The following NOTCH2NLR variants were observed in gnomAD, a reference collection of about 807,000 sequenced individuals.
The protein encoded by NOTCH2NLR is notch 2 N-terminal like R, also known as notch 2 N-terminal like R (pseudogene).
A neutral mutation model predicts 35.6 loss-of-function variants in NOTCH2NLR; 33 were observed. The ratio of observed to expected loss-of-function variants is 0.93; its 90% confidence interval spans 0.70 to 1.24. The LOEUF is 1.24. Among genes scored for constraint, NOTCH2NLR ranks in the 50% most tolerant of loss-of-function variants. The pLI is 0.00. For missense variants in NOTCH2NLR, 276 were observed against 362.2 expected (o/e 0.76, Z 1.93); for synonymous variants, 103 against 141.0 (o/e 0.73, Z 1.91).
intron 1 of NOTCH2NLR, among the ~76,000 whole-genome samples, chr1:120,727,813 C>G (rs1377553634): frequency 8.5e-6 from 1 of 117,900 alleles, no homozygotes; most frequent in Middle Eastern, 3.8e-3. Context: ...GTTTCCCCCC[C>G]TTTCTCTGCA....
chr1:120,788,055 CTTCA>C (rs1651442480), intron 3 of NOTCH2NLR, among the ~76,000 whole-genome samples: 1 of 71,812 alleles, frequency 1.4e-5, no homozygotes, highest in African/African-American at 1.3e-4. Context: ...AGGCCCAAAC[CTTCA>C]TTCATCCAGG....
exon 4 of NOTCH2NLR, chr1:120,793,394 T>C: frequency 1.4e-6 from 2 of 1,438,316 alleles, no homozygotes; most frequent in Non-Finnish European, 1.9e-6. Flanking sequence ...CACAGGCCAG[T>C]ACTGTGACAG....
chr1:120,777,459 G>T lies in NOTCH2NLR; in HGVS notation c.156-7515G>T, dbSNP rs1408619611. 7.1e-4 allele frequency among the ~76,000 whole-genome samples: 76 copies of T among 106,468 alleles called. 29 individuals are homozygous for T. The highest frequency in any genetic ancestry group is 4.5e-3 in the African/African-American group (76 of 17,006). The allele number at this position is 106,468 out of a possible 152,430, so 69.8% of individuals were successfully genotyped here. On this transcript the variant is annotated intron_variant, in intron 2 of 4. Coordinates refer to ENST00000624419, the Ensembl canonical transcript of NOTCH2NLR. ...AAAGTGTGTATGTGTGTGTGTACGT[G>T]TGTGAGAGTGAGAGATTGTATACTT...
Position 120,756,057 on chromosome 1 carries a change from G to C in NOTCH2NLR, c.74-7571G>C, listed in dbSNP as rs1445817419. On this transcript the variant is annotated intron_variant, in intron 1 of 4. Coordinates refer to ENST00000624419, the Ensembl canonical transcript of NOTCH2NLR. Reference sequence around the variant, plus strand: ...GATTTGAAGCTTCCGCACTTCTTCTGTTTGTTTGGATTTTTTTTTCATGGC... The same window carrying C: ...GATTTGAAGCTTCCGCACTTCTTCTCTTTGTTTGGATTTTTTTTTCATGGC... Among the ~76,000 whole-genome samples the C allele has an allele frequency of 9.9e-5, 11 of 110,918 alleles. 5 individuals are homozygous for C. Among genetic ancestry groups the C allele is most frequent in the African/African-American group, 6.0e-4 (11 of 18,424 alleles). The allele number at this position is 110,918 out of a possible 152,430, so 72.8% of individuals were successfully genotyped here.
intron 2 of NOTCH2NLR, among the ~76,000 whole-genome samples, chr1:120,770,701 A>C (rs1651253683): frequency 8.3e-6 from 1 of 120,096 alleles, no homozygotes; most frequent in Non-Finnish European, 1.6e-5. Context: ...TCTGTAGCTA[A>C]CCTGAGATAT....
In NOTCH2NLR at chr1:120,735,392, A is replaced by AT. The variant is rs1293887517; in HGVS notation, c.73+11151dup. Among the ~76,000 whole-genome samples, 111 of 89,670 alleles carry AT rather than the reference A, an allele frequency of 1.2e-3. 20 individuals are homozygous for AT. The highest frequency in any genetic ancestry group is 1.7e-3 in the Non-Finnish European group (88 of 50,372). 58.8% of individuals were successfully genotyped at this position (89,670 alleles called of 152,430 possible). On this transcript the variant is annotated intron_variant, in intron 1 of 4. Transcript: ENST00000624419. ...TGCAGCTTGATTTTTTAAACATCAG[A>AT]TTTTTTTTTCTTTTTTGATTTTTAT...
intron 2 of NOTCH2NLR, among the ~76,000 whole-genome samples, chr1:120,779,965 G>C (rs1651343993): frequency 7.7e-6 from 1 of 130,696 alleles, no homozygotes; most frequent in Admixed American, 7.6e-5. Flanking sequence ...TAGCTTCCTG[G>C]GGTGTGAAGG....
In NOTCH2NLR at chr1:120,785,164, C is replaced by G. The variant is rs1474715191; in HGVS notation, c.346C>G (p.Leu116Val). 8 of 1,446,290 alleles carry G rather than the reference C, an allele frequency of 5.5e-6. 2 individuals are homozygous for G. The highest frequency in any genetic ancestry group is 7.4e-6 in the Non-Finnish European group (8 of 1,082,192). The allele number at this position is 1,446,290 out of a possible 1,614,324, so 89.6% of individuals were successfully genotyped here. A position where few individuals can be genotyped will look rare whatever the true frequency, so the allele number is the denominator to read the frequency against. The change falls in exon 3 of 5, where the codon CTG (leucine) becomes GTG (valine). Residue 116 changes from leucine (L) to valine (V), a missense_variant. Coordinates refer to ENST00000624419, the Ensembl canonical transcript of NOTCH2NLR. ...TCCATGCTTTGTGTCTCGACCTTGCCTGAATGGCGGCACATGCCATATGCT... is the reference window on the plus strand; with the variant it reads ...TCCATGCTTTGTGTCTCGACCTTGCGTGAATGGCGGCACATGCCATATGCT...
intron 2 of NOTCH2NLR, among the ~76,000 whole-genome samples, chr1:120,784,016 A>G (rs1179672601): frequency 8.8e-6 from 1 of 113,356 alleles, no homozygotes; most frequent in East Asian, 2.2e-4. Context: ...GGGATAAGTA[A>G]GAAGTAGATG....
intron 2 of NOTCH2NLR, among the ~76,000 whole-genome samples, chr1:120,781,820 A>C (rs2101446486): frequency 8.5e-6 from 1 of 117,602 alleles, no homozygotes; most frequent in South Asian, 2.5e-4. Context: ...GGCCTCCCAA[A>C]GTGCTGAGAT....
chr1:120,781,480 G>A (rs1651360821), intron 2 of NOTCH2NLR, among the ~76,000 whole-genome samples: 1 of 37,850 alleles, frequency 2.6e-5, no homozygotes, highest in East Asian at 5.6e-4. Context: ...GTGATGGGGA[G>A]GCAGGATAGC....
chr1:120,765,794 G>T (rs1387467870), intron 2 of NOTCH2NLR, among the ~76,000 whole-genome samples: 1 of 128,786 alleles, frequency 7.8e-6, no homozygotes, highest in Admixed American at 7.7e-5. Context: ...GGAATACTAT[G>T]CAGCCATAAA....
intron 1 of NOTCH2NLR, among the ~76,000 whole-genome samples, chr1:120,728,420 T>C (rs1650838995): frequency 9.0e-6 from 1 of 111,160 alleles, no homozygotes; most frequent in Non-Finnish European, 1.7e-5. Flanking sequence ...AGATGTTTCA[T>C]TTAAACTTGT....
At position 120,723,954 on chromosome 1, in the gene NOTCH2NLR, TC is replaced by T. The variant is rs1650781598; in HGVS notation, c.-222del. On this transcript the variant is annotated 5_prime_UTR_variant, in exon 1 of 5. Transcript: ENST00000624419. ...CACCCGAGAAAGTTTCAGCCAAACT[TC>T]CGGCGGCGGCTGAGGCGGCGGCCGA... 32 of 785,714 alleles carry T rather than the reference TC, an allele frequency of 4.1e-5. 7 individuals are homozygous for T. The highest frequency in any genetic ancestry group is 3.5e-5 in the East Asian group (1 of 28,784). The allele number at this position is 785,714 out of a possible 1,614,324, so 48.7% of individuals were successfully genotyped here.
rs1650968053 is a variant in NOTCH2NLR, at chr1:120,745,214, T to A, written c.74-18414T>A. 2.7e-5 allele frequency among the ~76,000 whole-genome samples: 3 copies of A among 110,190 alleles called. 1 individual carries two copies. The allele number at this position is 110,190 out of a possible 152,430, so 72.3% of individuals were successfully genotyped here. On this transcript the variant is annotated intron_variant, in intron 1 of 4. Transcript: ENST00000624419. Reference sequence around the variant, plus strand: ...CTTTACTGCACGCTTTAGTCCATGGTTTTTTAAACTGCAGATCATGACCAC... The same window carrying A: ...CTTTACTGCACGCTTTAGTCCATGGATTTTTAAACTGCAGATCATGACCAC...
rs1160510362 is a variant in NOTCH2NLR at position 120,724,267 on chromosome 1, G to A, written c.73+17G>A. 1.6e-5 allele frequency: 22 copies of A among 1,388,584 alleles called. 5 individuals carry two copies. Among genetic ancestry groups the A allele is most frequent in the Non-Finnish European group, 2.1e-5 (22 of 1,061,638 alleles). The allele number at this position is 1,388,584 out of a possible 1,614,324, so 86.0% of individuals were successfully genotyped here. ...CCGCGCATGGTGAGTATCGGGCTGA[G>A]GGGCGCTGTCCGCGGCGCCCGGGGC... On this transcript the variant is annotated intron_variant, in intron 1 of 4. Transcript: ENST00000624419.
rs1651401956 is a variant in NOTCH2NLR at position 120,784,694 on chromosome 1, G to A, written c.156-280G>A. Among the ~76,000 whole-genome samples the A allele has an allele frequency of 1.7e-5, 2 of 117,274 alleles. 1 individual carries two copies. Among genetic ancestry groups the A allele is most frequent in the Admixed American group, 1.6e-4 (2 of 12,282 alleles). The allele number at this position is 117,274 out of a possible 152,430, so 76.9% of individuals were successfully genotyped here. ...CACAGCACTTAACTCCATCTATTGT[G>A]CATCTTTTACTTAGTAATTTTGTTT... On this transcript the variant is annotated intron_variant, in intron 2 of 4. Coordinates refer to ENST00000624419, the Ensembl canonical transcript of NOTCH2NLR.
intron 1 of NOTCH2NLR, among the ~76,000 whole-genome samples, chr1:120,759,078 G>A (rs1201192747): frequency 7.6e-5 from 7 of 92,028 alleles, no homozygotes; most frequent in Admixed American, 1.1e-4. Flanking sequence ...TGTATACTAC[G>A]GTATCCCTGA....
intron 2 of NOTCH2NLR, among the ~76,000 whole-genome samples, chr1:120,769,685 C>T (rs1207032258): frequency 8.5e-6 from 1 of 117,960 alleles, no homozygotes; most frequent in Non-Finnish European, 1.6e-5. Flanking sequence ...TTTATGTGTA[C>T]CACATATAAC....
Sources: gnomAD v4.1 joint callset for allele counts (sites outside exome capture counted in the v4.1 genomes callset) on GRCh38, gnomAD v4.1.1 for gene constraint, MANE v1.5 for transcripts, NCBI Gene and HGNC (gene_info 2026-07-23, HGNC 2026-07-21) for gene names.